The following SPOP variants were observed in gnomAD, a reference collection of about 807,000 sequenced individuals.
The protein encoded by SPOP is speckle-type POZ protein.
SPOP carries 11 observed loss-of-function variants against 45.6 expected under a neutral mutation model. That is an observed-to-expected ratio of 0.24 (90% CI 0.15 to 0.40). The LOEUF is 0.40. Ranked by LOEUF, SPOP falls within the 10% of genes least tolerant of loss-of-function variation. The pLI is 1.00. For synonymous variants in SPOP, 166 were observed against 166.3 expected, an observed-to-expected ratio of 1.00 and a Z score of 0.01; for missense variants, 152 against 465.6, an observed-to-expected ratio of 0.33 and a Z score of 6.20.
At chr17:49,626,284 C>A (rs923096877) in intron 1 of SPOP, among the ~76,000 whole-genome samples, 1 of 152,114 alleles carries the variant, frequency 6.6e-6, no homozygotes, top group Non-Finnish European at 1.5e-5. Flanking sequence ...ATAGTTCATT[C>A]TATAATAGTT....
intron 1 of SPOP, among the ~76,000 whole-genome samples, chr17:49,649,343 C>G (rs1205085453): frequency 6.7e-6 from 1 of 150,270 alleles, no homozygotes; most frequent in Non-Finnish European, 1.5e-5. Context: ...TTGAGACCAG[C>G]CTGGCCGCCA....
Position 49,598,889 on chromosome 17 carries a change from G to A in SPOP, c.*1489C>T, listed in dbSNP as rs913554405. ...CAAGTCAATGACAGAACCAGTTAGA[G>A]ACAATAATTTCCCTTTATTTAATCT... is the stretch of plus-strand genomic sequence containing the variant. On this transcript the variant is annotated 3_prime_UTR_variant, in exon 10 of 10. Coordinates refer to ENST00000504102, the MANE Select transcript of SPOP (RefSeq NM_001007228.2). The A allele has an allele frequency of 5.5e-6, 1 of 181,680 alleles. No individual in the cohort carries two copies. The highest frequency in any genetic ancestry group is 2.4e-5 in the African/African-American group (1 of 42,436). 11.3% of individuals were successfully genotyped at this position (181,680 alleles called of 1,614,324 possible).
chr17:49,671,867 A>G (rs368643505), intron 1 of SPOP, among the ~76,000 whole-genome samples: 16 of 152,246 alleles, frequency 1.1e-4, no homozygotes, highest in South Asian at 8.3e-4. Flanking sequence ...TTGGCTGGGC[A>G]GGGTGGCTCA....
chr17:49,622,239 A>C, intron 2 of SPOP, 172 bp from the exon 3 acceptor site: 98 of 785,860 alleles, frequency 1.2e-4, no homozygotes, highest in Non-Finnish European at 1.8e-4. Context: ...AAGAAATCTC[A>C]CACTGACCAA....
intron 1 of SPOP, among the ~76,000 whole-genome samples, chr17:49,653,643 A>C (rs2072871196): frequency 6.6e-6 from 1 of 151,808 alleles, no homozygotes; most frequent in Non-Finnish European, 1.5e-5. Context: ...ATGTACTTCC[A>C]ATGTGACTCC....
intron 1 of SPOP, among the ~76,000 whole-genome samples, chr17:49,672,764 T>G (rs1298308430): frequency 1.3e-5 from 2 of 152,056 alleles, no homozygotes; most frequent in Admixed American, 6.6e-5. Context: ...CTAGCCAACA[T>G]GGTGAAACCC....
At chr17:49,653,915 C>G (rs1376641914) in intron 1 of SPOP, among the ~76,000 whole-genome samples, 2 of 151,714 alleles carry the variant, frequency 1.3e-5, no homozygotes, top group Admixed American at 6.6e-5. Context: ...TTGCAGAGCT[C>G]TGAAAGAAGA....
chr17:49,661,877 G>T (rs1199385713), intron 1 of SPOP, among the ~76,000 whole-genome samples: 2 of 152,098 alleles, frequency 1.3e-5, no homozygotes, highest in Non-Finnish European at 2.9e-5. Flanking sequence ...GCCGGGCATT[G>T]TGGTGCATGC....
At chr17:49,628,166 C>T (rs2072376185) in intron 1 of SPOP, among the ~76,000 whole-genome samples, 2 of 152,240 alleles carry the variant, frequency 1.3e-5, no homozygotes, top group South Asian at 4.1e-4. Flanking sequence ...TTAAGACAGT[C>T]TGTCTGCATT....
intron 1 of SPOP, among the ~76,000 whole-genome samples, chr17:49,631,749 G>A (rs116530738): frequency 1.3e-5 from 2 of 152,132 alleles, no homozygotes; most frequent in African/African-American, 4.8e-5. Context: ...AAACACATTG[G>A]GCTCTTTCCT....
intron 8 of SPOP, among the ~76,000 whole-genome samples, chr17:49,606,755 A>T (rs1365101533): frequency 6.6e-6 from 1 of 152,010 alleles, no homozygotes; most frequent in South Asian, 2.1e-4. Context: ...TCGGCCTCCG[A>T]TAAGTGCTGG....
In SPOP at chr17:49,635,658, G is replaced by T. The variant is rs8068851; in HGVS notation, c.-66-12782C>A. Reference sequence around the variant, plus strand: ...TTTTTTTTTTTTTTTTTTTTGAGACGGAGTCTTGTTCTGTTGCCCAGGCTG... The same window carrying T: ...TTTTTTTTTTTTTTTTTTTTGAGACTGAGTCTTGTTCTGTTGCCCAGGCTG... On this transcript the variant is annotated intron_variant, in intron 1 of 9. Coordinates refer to ENST00000504102, the MANE Select transcript of SPOP (RefSeq NM_001007228.2). Among the ~76,000 whole-genome samples the T allele has an allele frequency of 9.2e-3, 1,185 of 128,728 alleles. 16 individuals carry two copies. The highest frequency in any genetic ancestry group is 0.032 in the African/African-American group (1,118 of 34,432). The allele number at this position is 128,728 out of a possible 152,430, so 84.5% of individuals were successfully genotyped here. A position where few individuals can be genotyped will look rare whatever the true frequency, so the allele number is the denominator to read the frequency against.
At chr17:49,611,193 T>C in intron 6 of SPOP, 87 bp downstream of exon 6, 1 of 1,449,958 alleles carries the variant, frequency 6.9e-7, no homozygotes, top group Non-Finnish European at 9.4e-7. Flanking sequence ...GTTCAAAAAG[T>C]TGAAGTTGTT....
intron 1 of SPOP, among the ~76,000 whole-genome samples, chr17:49,648,990 C>G (rs1476039446): frequency 6.6e-6 from 1 of 152,068 alleles, no homozygotes; most frequent in African/African-American, 2.4e-5. Context: ...ATCTCCTGAC[C>G]CCATGATCCG....
intron 1 of SPOP, among the ~76,000 whole-genome samples, chr17:49,663,136 G>A (rs2073010779): frequency 2.0e-5 from 3 of 152,362 alleles, no homozygotes; most frequent in African/African-American, 7.2e-5. Flanking sequence ...GGAACCAGGC[G>A]CACAGGAGGT....
intron 8 of SPOP, among the ~76,000 whole-genome samples, chr17:49,605,989 CAA>C (rs564333269): frequency 2.2e-5 from 3 of 136,104 alleles, no homozygotes; most frequent in African/African-American, 2.7e-5. Flanking sequence ...ACTCCCTTCT[CAA>C]AAAAAAAAAA....
intron 2 of SPOP, 55 bp downstream of exon 2, chr17:49,622,678 C>G: frequency 6.7e-7 from 1 of 1,489,476 alleles, no homozygotes; most frequent in Non-Finnish European, 9.4e-7. Flanking sequence ...CTACTCCTTT[C>G]GTCCACCAAA....
intron 1 of SPOP, among the ~76,000 whole-genome samples, chr17:49,671,556 T>C (rs888110286): frequency 6.6e-6 from 1 of 151,816 alleles, no homozygotes; most frequent in Admixed American, 6.6e-5. Flanking sequence ...AAGAAGGTAA[T>C]GTTGGTAAAA....
At chr17:49,656,605 T>C (rs2072916501) in intron 1 of SPOP, among the ~76,000 whole-genome samples, 1 of 152,192 alleles carries the variant, frequency 6.6e-6, no homozygotes, top group South Asian at 2.1e-4. Context: ...CTACCTCCTA[T>C]CTGAATACTA....
Sources: gnomAD v4.1 joint callset for allele counts (sites outside exome capture counted in the v4.1 genomes callset) on GRCh38, gnomAD v4.1.1 for gene constraint, MANE v1.5 for transcripts, NCBI Gene and HGNC (gene_info 2026-07-23, HGNC 2026-07-21) for gene names.